The following NBEAL1 variants were observed in gnomAD, a reference collection of about 807,000 sequenced individuals.
The protein encoded by NBEAL1 is neurobeachin-like protein 1.
NBEAL1 carries 273 observed loss-of-function variants against 351.3 expected under a neutral mutation model. That is an observed-to-expected ratio of 0.78 (90% CI 0.70 to 0.86). The LOEUF is 0.86. Among genes scored for constraint, NBEAL1 ranks in the 40% least tolerant of loss-of-function variants. The pLI, the probability that NBEAL1 is intolerant of heterozygous loss-of-function variation, is 0.00. For synonymous variants in NBEAL1, 1,050 were observed against 1,086.4 expected, an observed-to-expected ratio of 0.97 and a Z score of 0.66; for missense variants, 2,961 against 3,201.3, an observed-to-expected ratio of 0.92 and a Z score of 1.81.
intron 6 of NBEAL1, among the ~76,000 whole-genome samples, chr2:203,060,239 T>A (rs1269073854): frequency 6.6e-6 from 1 of 152,128 alleles, no homozygotes; most frequent in Non-Finnish European, 1.5e-5. Flanking sequence ...AAGGCAGCTC[T>A]GATAACAAAT....
At chr2:203,176,283 A>G (rs910120088) in intron 42 of NBEAL1, among the ~76,000 whole-genome samples, 1 of 148,394 alleles carries the variant, frequency 6.7e-6, no homozygotes, top group African/African-American at 2.5e-5. Flanking sequence ...GTGTGCCACC[A>G]CACCTGGGTA....
chr2:203,133,055 T>G lies in NBEAL1; in HGVS notation c.3725-3T>G. On this transcript the variant is annotated splice_region_variant and splice_polypyrimidine_tract_variant and intron_variant, in intron 26 of 55. Coordinates refer to ENST00000683969, the MANE Select transcript of NBEAL1 (RefSeq NM_001378026.1). ...TTTTAACTTTTTGTTTTTCCTACCATAGATCCTGTTATTAATTTCAAAGAT... is the reference window on the plus strand; with the variant it reads ...TTTTAACTTTTTGTTTTTCCTACCAGAGATCCTGTTATTAATTTCAAAGAT... 7.2e-7 allele frequency: 1 copy of G among 1,398,398 alleles called. No individual in the cohort carries two copies. Among genetic ancestry groups the G allele is most frequent in the East Asian group, 2.6e-5 (1 of 39,082 alleles). 86.6% of individuals were successfully genotyped at this position (1,398,398 alleles called of 1,614,324 possible). A position where few individuals can be genotyped will look rare whatever the true frequency, so the allele number is the denominator to read the frequency against.
In NBEAL1 at chr2:203,222,248, A is replaced by G. The variant is rs2065961003; in HGVS notation, c.*4894A>G. On this transcript the variant is annotated 3_prime_UTR_variant, in exon 56 of 56. Transcript: ENST00000683969. ...TCTAGGCCAGTGGTTCTTAATGGAT[A>G]TTACAGATCAGACTTCTCTGTGGAG... is the stretch of plus-strand genomic sequence containing the variant. Among the ~76,000 whole-genome samples the G allele has an allele frequency of 6.6e-6, 1 of 152,206 alleles. No individual in the cohort carries two copies. Among genetic ancestry groups the G allele is most frequent in the Non-Finnish European group, 1.5e-5 (1 of 68,034 alleles).
rs1255180957 is a variant in NBEAL1 at position 203,209,053 on chromosome 2, T to A, written c.7624-108T>A. On this transcript the variant is annotated intron_variant, in intron 52 of 55. Transcript: ENST00000683969. ...CATGTATCCTTGATGGAATAATCAT[T>A]TTCTTGGTTCCTTTCCCACATTTCT... 9.1e-6 allele frequency: 8 copies of A among 878,608 alleles called. No individual in the cohort carries two copies. The Admixed American group carries it at 1.9e-4, about 21-fold the overall frequency. The allele number at this position is 878,608 out of a possible 1,614,324, so 54.4% of individuals were successfully genotyped here.
intron 6 of NBEAL1, among the ~76,000 whole-genome samples, chr2:203,066,736 C>T (rs1160793233): frequency 2.1e-5 from 3 of 142,248 alleles, no homozygotes; most frequent in African/African-American, 5.3e-5. Flanking sequence ...ACCTACCAGA[C>T]GGGGTGGCAG....
intron 2 of NBEAL1, among the ~76,000 whole-genome samples, chr2:203,026,839 CATT>C (rs1476804114): frequency 1.3e-5 from 2 of 152,146 alleles, no homozygotes; most frequent in Non-Finnish European, 2.9e-5. Context: ...GTAGAATCCT[CATT>C]ATGCATTTTA....
At chr2:203,114,152 C>G (rs537610501) in intron 17 of NBEAL1, among the ~76,000 whole-genome samples, 28 of 152,254 alleles carry the variant, frequency 1.8e-4, no homozygotes, top group Middle Eastern at 3.4e-3. Flanking sequence ...AAGGGGTTCT[C>G]TCAGACTACG....
chr2:203,204,816 A>G (rs1015984079), intron 51 of NBEAL1, among the ~76,000 whole-genome samples: 1 of 152,152 alleles, frequency 6.6e-6, no homozygotes, highest in Non-Finnish European at 1.5e-5. Context: ...TAATATAAAG[A>G]AAAGCTATAT....
At position 203,209,198 on chromosome 2, in the gene NBEAL1, A is replaced by G. The variant is rs1020400888; in HGVS notation, c.7661A>G (p.Gln2554Arg). ...TVIIHTIQKG[Q>R]YMRTLRPPCE... ...ATTATACATACCATTCAGAAAGGTCAGTACATGAGGACTTTACGACCACCT... is the reference window on the plus strand; with the variant it reads ...ATTATACATACCATTCAGAAAGGTCGGTACATGAGGACTTTACGACCACCT... The change falls in exon 53 of 56, where the codon CAG becomes CGG. Residue 2554 changes from glutamine (Q) to arginine (R), a missense_variant. Coordinates refer to ENST00000683969, the MANE Select transcript of NBEAL1 (RefSeq NM_001378026.1). 4 of 1,613,570 alleles carry G rather than the reference A, an allele frequency of 2.5e-6. No individual in the cohort carries two copies. The highest frequency in any genetic ancestry group is 3.4e-6 in the Non-Finnish European group (4 of 1,179,614).
chr2:203,136,647 G>A lies in NBEAL1; in HGVS notation c.4438G>A (p.Val1480Ile), dbSNP rs776985464. The A allele has an allele frequency of 6.2e-7, 1 of 1,612,686 alleles. No individual in the cohort carries two copies. Among genetic ancestry groups the A allele is most frequent in the Non-Finnish European group, 8.5e-7 (1 of 1,178,962 alleles). The change falls in exon 29 of 56, where the codon GTA (valine) becomes ATA (isoleucine). Residue 1480 changes from valine (V) to isoleucine (I), a missense_variant. Val to Ile is a conservative substitution (Grantham distance 29). Coordinates refer to ENST00000683969, the MANE Select transcript of NBEAL1 (RefSeq NM_001378026.1). ...ATTACTGACACATATTTTGAATTAT[G>A]TAATGTGTAAGGGACTAGAAAAGTC... ...LQLLTHILNYVMCKGLEKSDD... is the reference protein window; with the variant it reads ...LQLLTHILNYIMCKGLEKSDD...
intron 7 of NBEAL1, among the ~76,000 whole-genome samples, chr2:203,071,604 T>C (rs1452564457): frequency 6.6e-6 from 1 of 152,198 alleles, no homozygotes; most frequent in African/African-American, 2.4e-5. Flanking sequence ...ATGTCTTAAC[T>C]CATTTTCACA....
At position 203,107,005 on chromosome 2, in the gene NBEAL1, A is replaced by G. The variant is rs553696894; in HGVS notation, c.1270-415A>G. Among the ~76,000 whole-genome samples the G allele has an allele frequency of 7.9e-5, 12 of 152,228 alleles. No individual in the cohort carries two copies. The East Asian group carries it at 2.1e-3, about 27-fold the overall frequency. On this transcript the variant is annotated intron_variant, in intron 12 of 55. Coordinates refer to ENST00000683969, the MANE Select transcript of NBEAL1 (RefSeq NM_001378026.1). ...ATTCAAAATTGGCAGGAACTCTTTA[A>G]TTGGGTCTTTTTAGGCTGATATCTG...
At chr2:203,047,486 A>G (rs1318878071) in intron 3 of NBEAL1, among the ~76,000 whole-genome samples, 1 of 152,104 alleles carries the variant, frequency 6.6e-6, no homozygotes, top group Non-Finnish European at 1.5e-5. Context: ...TTGTGTTTCT[A>G]CTGTCCTTCT....
chr2:203,199,512 A>C (rs1357791521), intron 49 of NBEAL1, 65 bp downstream of exon 49: 1 of 761,654 alleles, frequency 1.3e-6, no homozygotes, highest in Non-Finnish European at 2.2e-6. Context: ...GAAAAAAACT[A>C]GATTAATTGA....
chr2:203,019,399 A>G (rs988149299), intron 2 of NBEAL1, among the ~76,000 whole-genome samples: 3 of 152,170 alleles, frequency 2.0e-5, no homozygotes, highest in African/African-American at 7.2e-5. Context: ...AGTTTTCACA[A>G]TGACTTAATT....
intron 46 of NBEAL1, 138 bp downstream of exon 46, chr2:203,190,527 T>G: frequency 1.3e-6 from 1 of 745,732 alleles, no homozygotes; most frequent in East Asian, 2.6e-5. Context: ...GCTCAGAAAG[T>G]CTTATATTAT....
At position 203,127,904 on chromosome 2, in the gene NBEAL1, GGGGT is replaced by G; in HGVS notation, c.3373_3376del (p.Gly1125ThrfsTer2). ...CTCATGAAGAGATACAAAGTATTAT[GGGGT>G]ACATAGCTGCTACTAATGAAGAAGA... On this transcript the variant is annotated frameshift_variant, in exon 24 of 56. Coordinates refer to ENST00000683969, the MANE Select transcript of NBEAL1 (RefSeq NM_001378026.1). LOFTEE classifies it high-confidence loss of function. 1 of 1,551,620 alleles carries G rather than the reference GGGGT, an allele frequency of 6.4e-7. No individual in the cohort carries two copies. The highest frequency in any genetic ancestry group is 2.0e-5 in the Admixed American group (1 of 50,930).
chr2:203,056,530 T>G lies in NBEAL1; in HGVS notation c.387+22T>G, dbSNP rs764571701. The G allele has an allele frequency of 6.6e-6, 9 of 1,365,126 alleles. No individual in the cohort carries two copies. In the African/African-American group the frequency reaches 1.2e-4, roughly 18 times the overall value. The allele number at this position is 1,365,126 out of a possible 1,614,324, so 84.6% of individuals were successfully genotyped here. On this transcript the variant is annotated intron_variant, in intron 5 of 55. Coordinates refer to ENST00000683969, the MANE Select transcript of NBEAL1 (RefSeq NM_001378026.1). ...GCAAGTAGGTGTGAACTAATCTTTT[T>G]TGTCACTTTACTGAGAACAACTAGG...
At chr2:203,049,689 A>C in intron 3 of NBEAL1, 125 bp from the exon 4 acceptor site, 4 of 750,472 alleles carry the variant, frequency 5.3e-6, no homozygotes, top group Non-Finnish European at 8.3e-6. Flanking sequence ...GAGAAGGCAC[A>C]GAGTATCTGG....
Sources: allele counts gnomAD v4.1 joint callset (sites outside exome capture counted in the v4.1 genomes callset), GRCh38; gene constraint gnomAD v4.1.1; transcripts MANE v1.5; gene names NCBI Gene and HGNC (gene_info 2026-07-23, HGNC 2026-07-21).